The following DIAPH3 variants were observed in gnomAD, a reference collection of about 807,000 sequenced individuals.
DIAPH3 encodes the protein diaphanous related formin 3.
A neutral mutation model predicts 144.3 loss-of-function variants in DIAPH3; 117 were observed. That is an observed-to-expected ratio of 0.81 (90% confidence interval 0.70 to 0.95). DIAPH3 has a LOEUF of 0.95. Among genes scored for constraint, DIAPH3 ranks in the 40% least tolerant of loss-of-function variants. The pLI is 0.00. For missense variants in DIAPH3, 1,421 were observed against 1,412.7 expected, an observed-to-expected ratio of 1.01 and a Z score of -0.09; for synonymous variants, 519 against 488.9, an observed-to-expected ratio of 1.06 and a Z score of -0.81.
chr13:59,774,619 G>A, intron 26 of DIAPH3, 109 bp downstream of exon 26: 4 of 1,026,284 alleles, frequency 3.9e-6, no homozygotes, highest in Non-Finnish European at 6.0e-6. Flanking sequence ...AACAGTTGTT[G>A]CCCACGGCAC....
chr13:60,051,859 C>G (rs767131020), intron 4 of DIAPH3, among the ~76,000 whole-genome samples: 1 of 152,092 alleles, frequency 6.6e-6, no homozygotes, highest in Non-Finnish European at 1.5e-5. Flanking sequence ...ATATAATCAA[C>G]TAAAAGTGAG....
chr13:60,118,793 T>G (rs2058760707), intron 2 of DIAPH3, among the ~76,000 whole-genome samples: 1 of 152,144 alleles, frequency 6.6e-6, no homozygotes, highest in South Asian at 2.1e-4. Flanking sequence ...CACAGAGAAG[T>G]GTTAACAGGA....
chr13:60,108,479 G>A (rs2058480725), intron 3 of DIAPH3, among the ~76,000 whole-genome samples: 2 of 152,016 alleles, frequency 1.3e-5, no homozygotes, highest in African/African-American at 4.8e-5. Context: ...ATGGTGGTAT[G>A]TGCCTGTAGT....
intron 27 of DIAPH3, among the ~76,000 whole-genome samples, chr13:59,687,113 A>G (rs187805784): frequency 1.3e-5 from 2 of 152,270 alleles, no homozygotes; most frequent in East Asian, 3.9e-4. Context: ...GGCAAAATGA[A>G]TTTAATCAGA....
intron 4 of DIAPH3, among the ~76,000 whole-genome samples, chr13:60,086,065 T>TA (rs2057737095): frequency 6.6e-6 from 1 of 152,026 alleles, no homozygotes; most frequent in Non-Finnish European, 1.5e-5. Flanking sequence ...AAGCCTTTTT[T>TA]AAAAAACGCT....
chr13:59,890,164 A>G (rs1170283308), intron 20 of DIAPH3, among the ~76,000 whole-genome samples: 1 of 152,056 alleles, frequency 6.6e-6, no homozygotes, highest in Non-Finnish European at 1.5e-5. Flanking sequence ...GCACAGACAC[A>G]AGGGAGATAC....
At chr13:60,146,983 T>C (rs1332466697) in intron 1 of DIAPH3, among the ~76,000 whole-genome samples, 1 of 152,220 alleles carries the variant, frequency 6.6e-6, no homozygotes, top group Non-Finnish European at 1.5e-5. Flanking sequence ...GTAAACTTAT[T>C]GAGGGTAGCT....
intron 26 of DIAPH3, 54 bp downstream of exon 26, chr13:59,774,674 T>TA: frequency 2.6e-6 from 4 of 1,510,168 alleles, no homozygotes; most frequent in Non-Finnish European, 3.7e-6. Flanking sequence ...AAAACAGGAT[T>TA]CTTTCTCTGT....
At chr13:59,882,799 T>C (rs2045160771) in intron 20 of DIAPH3, among the ~76,000 whole-genome samples, 1 of 152,180 alleles carries the variant, frequency 6.6e-6, no homozygotes, top group Non-Finnish European at 1.5e-5. Context: ...GCAATATAAA[T>C]TCACGAAACC....
intron 1 of DIAPH3, among the ~76,000 whole-genome samples, chr13:60,160,752 C>T (rs1009687762): frequency 6.6e-5 from 10 of 152,284 alleles, no homozygotes; most frequent in East Asian, 5.8e-4. Flanking sequence ...TCAATGCTCA[C>T]GGCTTAAGAT....
At chr13:60,119,060 A>G (rs2058768665) in intron 2 of DIAPH3, among the ~76,000 whole-genome samples, 1 of 152,236 alleles carries the variant, frequency 6.6e-6, no homozygotes, top group Non-Finnish European at 1.5e-5. Flanking sequence ...TCACTGTGGC[A>G]GCCCGTCTCT....
intron 17 of DIAPH3, 74 bp from the exon 18 acceptor site, chr13:59,924,944 T>TA (rs1286618433): frequency 1.3e-6 from 2 of 1,520,194 alleles, no homozygotes; most frequent in Non-Finnish European, 1.8e-6. Flanking sequence ...GTGAACTTTT[T>TA]ATCATTAAAT....
intron 1 of DIAPH3, among the ~76,000 whole-genome samples, chr13:60,137,023 A>C (rs2059302328): frequency 6.6e-6 from 1 of 152,180 alleles, no homozygotes; most frequent in Non-Finnish European, 1.5e-5. Context: ...AAAGAATATG[A>C]GGGCTCTTTT....
intron 19 of DIAPH3, among the ~76,000 whole-genome samples, chr13:59,915,379 TAGTTA>T (rs2047178464): frequency 6.6e-6 from 1 of 152,142 alleles, no homozygotes; most frequent in South Asian, 2.1e-4. Flanking sequence ...ATTTATTGAT[TAGTTA>T]AAATATTCAG....
chr13:59,960,218 A>C (rs2049668646), intron 17 of DIAPH3, among the ~76,000 whole-genome samples: 2 of 152,174 alleles, frequency 1.3e-5, no homozygotes, highest in South Asian at 4.2e-4. Flanking sequence ...GGGAAGTATA[A>C]ATATTCACTT....
intron 20 of DIAPH3, among the ~76,000 whole-genome samples, chr13:59,899,315 C>A (rs1335122411): frequency 6.6e-6 from 1 of 152,108 alleles, no homozygotes; most frequent in Non-Finnish European, 1.5e-5. Context: ...CTCTAGAGAA[C>A]CCTGACTAAT....
At chr13:59,997,081 A>G (rs753255008) in intron 9 of DIAPH3, among the ~76,000 whole-genome samples, 2 of 152,070 alleles carry the variant, frequency 1.3e-5, no homozygotes, top group Non-Finnish European at 2.9e-5. Context: ...TAGGGTGTCT[A>G]TTCCCCAAGT....
intron 9 of DIAPH3, among the ~76,000 whole-genome samples, chr13:60,001,521 C>T (rs1011441181): frequency 3.9e-5 from 6 of 152,318 alleles, no homozygotes; most frequent in Middle Eastern, 3.4e-3. Context: ...ATTTATCAGC[C>T]ACCTGGAAGC....
chr13:59,935,231 T>G (rs956030241), intron 17 of DIAPH3, among the ~76,000 whole-genome samples: 1 of 152,142 alleles, frequency 6.6e-6, no homozygotes, highest in Non-Finnish European at 1.5e-5. Context: ...CTTGAGTATG[T>G]GTGGATTTTA....
Sources: gnomAD v4.1 joint callset for allele counts (sites outside exome capture counted in the v4.1 genomes callset) on GRCh38, gnomAD v4.1.1 for gene constraint, MANE v1.5 for transcripts, NCBI Gene and HGNC (gene_info 2026-07-23, HGNC 2026-07-21) for gene names.